IL1R1: variants seen among roughly 807,000 people sequenced by gnomAD.
IL1R1 encodes interleukin 1 receptor type 1, also known as interleukin-1 receptor type 1.
A neutral mutation model predicts 50.2 loss-of-function variants in IL1R1; 22 were observed. That is an observed-to-expected ratio of 0.44 (90% CI 0.31 to 0.63). The LOEUF (loss-of-function observed/expected upper bound fraction) is 0.63. IL1R1 is among the 20% of genes least tolerant of loss of function. IL1R1 has a pLI of 0.07. For missense variants in IL1R1, 509 were observed against 676.2 expected (o/e 0.75, Z 2.74); for synonymous variants, 251 against 236.7 (o/e 1.06, Z -0.55).
intron 3 of IL1R1, among the ~76,000 whole-genome samples, chr2:102,161,257 A>G (rs1218865987): frequency 6.6e-6 from 1 of 152,112 alleles, no homozygotes; most frequent in Non-Finnish European, 1.5e-5. Context: ...TCTTTCTATT[A>G]TTGATTTCTA....
At chr2:102,126,710 C>T (rs926367769) in intron 1 of IL1R1, among the ~76,000 whole-genome samples, 5 of 151,994 alleles carry the variant, frequency 3.3e-5, no homozygotes, top group Non-Finnish European at 5.9e-5. Flanking sequence ...AAAATACTCC[C>T]GCTTGTATTT....
intron 1 of IL1R1, among the ~76,000 whole-genome samples, chr2:102,148,822 T>C (rs2104475761): frequency 6.6e-6 from 1 of 152,326 alleles, no homozygotes; most frequent in South Asian, 2.1e-4. Context: ...TTAACAATGA[T>C]GGGGACTTTT....
At chr2:102,153,013 A>G (rs1390199644) in intron 1 of IL1R1, among the ~76,000 whole-genome samples, 2 of 152,198 alleles carry the variant, frequency 1.3e-5, no homozygotes, top group Non-Finnish European at 2.9e-5. Flanking sequence ...ACTCCAAAAT[A>G]CTAAAAGAAA....
chr2:102,134,051 A>G (rs1682197846), intron 1 of IL1R1, among the ~76,000 whole-genome samples: 1 of 152,278 alleles, frequency 6.6e-6, no homozygotes, highest in Non-Finnish European at 1.5e-5. Context: ...TTTGGAGGTT[A>G]TAAGATCAAT....
rs745760503 is a variant in IL1R1, at chr2:102,174,704, C to A, written c.1109C>A (p.Ser370Tyr). The A allele has an allele frequency of 6.2e-7, 1 of 1,607,718 alleles. No individual in the cohort carries two copies. Among genetic ancestry groups the A allele is most frequent in the East Asian group, 2.2e-5 (1 of 44,650 alleles). ...GACATTGTGCTTTGGTACAGGGATT[C>A]CTGCTATGATTTTCTCCCAATAAAA... ...KIDIVLWYRD[S>Y]CYDFLPIKAS... Residue 370 changes from serine (S) to tyrosine (Y), a missense_variant, in exon 10 of 12, where the codon TCC becomes TAC. Transcript: ENST00000410023.
rs529942292 is a variant in IL1R1 at position 102,125,538 on chromosome 2, A to T, written c.-84+20666A>T. 6.6e-5 allele frequency among the ~76,000 whole-genome samples: 10 copies of T among 152,306 alleles called. No homozygotes were observed. In the South Asian group the frequency reaches 1.9e-3, roughly 28 times the overall value. ...AAGTCACATGTAGCAGTCAGGATAG[A>T]TAGGCAAGATACAAGGAAGAAGTGG... On this transcript the variant is annotated intron_variant, in intron 1 of 10. Transcript: ENST00000409329.
chr2:102,137,844 T>C (rs1443805263), upstream of IL1R1, among the ~76,000 whole-genome samples: 1 of 152,104 alleles, frequency 6.6e-6, no homozygotes, highest in African/African-American at 2.4e-5. Flanking sequence ...GAAAATACAT[T>C]GACAGTTATA....
chr2:102,079,792 C>A (rs1577794399), intron 1 of IL1R1, among the ~76,000 whole-genome samples: 1 of 152,070 alleles, frequency 6.6e-6, no homozygotes. Context: ...CCAAAACAAT[C>A]TTGAAAAATA....
At chr2:102,115,852 G>C (rs1275577932) in intron 1 of IL1R1, among the ~76,000 whole-genome samples, 2 of 152,168 alleles carry the variant, frequency 1.3e-5, no homozygotes, top group African/African-American at 4.8e-5. Flanking sequence ...AGGGCGAGGA[G>C]AGGAACACAT....
chr2:102,140,533 G>A (rs140580520), upstream of IL1R1, among the ~76,000 whole-genome samples: 99 of 152,362 alleles, frequency 6.5e-4, 1 homozygote, highest in Middle Eastern at 3.4e-3. Flanking sequence ...TGTCCAAGAT[G>A]TGGGCCATTG....
intron 3 of IL1R1, among the ~76,000 whole-genome samples, chr2:102,162,575 T>C (rs1257685166): frequency 6.6e-6 from 1 of 152,134 alleles, no homozygotes; most frequent in Non-Finnish European, 1.5e-5. Context: ...GTTGTGTATG[T>C]GTTTTTTTAA....
intron 1 of IL1R1, among the ~76,000 whole-genome samples, chr2:102,097,696 A>C (rs529841757): frequency 1.3e-5 from 2 of 152,072 alleles, no homozygotes; most frequent in African/African-American, 4.8e-5. Context: ...AAGAAAAAAT[A>C]AAAAAATCTG....
At position 102,175,634 on chromosome 2, in the gene IL1R1, A is replaced by T. The variant is rs772782596; in HGVS notation, c.1292A>T (p.Tyr431Phe). Residue 431 changes from tyrosine (Y) to phenylalanine (F), a missense_variant, in exon 11 of 12, where the codon TAC (tyrosine) becomes TTC (phenylalanine). By Grantham distance (22) the Tyr-to-Phe change is conservative (BLOSUM62 3). Coordinates refer to ENST00000410023, the MANE Select transcript of IL1R1 (RefSeq NM_000877.4). ...YKLFIYGRDD[Y>F]VGEDIVEVIN... ...CTGTTCATTTATGGAAGGGATGACT[A>T]CGTTGGGGAAGGTATGTGTGTAATG... 3.1e-6 allele frequency: 5 copies of T among 1,613,890 alleles called. No homozygotes were observed. In the Admixed American group the frequency reaches 8.3e-5, roughly 27 times the overall value.
intron 1 of IL1R1, among the ~76,000 whole-genome samples, chr2:102,132,018 C>T (rs1466180746): frequency 6.6e-6 from 1 of 151,778 alleles, no homozygotes; most frequent in Non-Finnish European, 1.5e-5. Context: ...ACAATGCAAG[C>T]TAGAAGAGTT....
chr2:102,140,929 T>C (rs1215767669), upstream of IL1R1, among the ~76,000 whole-genome samples: 2 of 152,202 alleles, frequency 1.3e-5, no homozygotes. Context: ...AGCAGGACAC[T>C]GGGTAGGAGT....
intron 1 of IL1R1, among the ~76,000 whole-genome samples, chr2:102,086,912 A>G (rs1462762714): frequency 6.6e-6 from 1 of 152,182 alleles, no homozygotes; most frequent in African/African-American, 2.4e-5. Flanking sequence ...AAGATGTAGA[A>G]TTCCAGTTTT....
intron 3 of IL1R1, among the ~76,000 whole-genome samples, chr2:102,161,542 C>T (rs1336189186): frequency 6.6e-6 from 1 of 152,130 alleles, no homozygotes; most frequent in Non-Finnish European, 1.5e-5. Context: ...AGTGGGGTTT[C>T]TCTAGTTTCT....
intron 1 of IL1R1, among the ~76,000 whole-genome samples, chr2:102,122,843 G>T (rs1030366057): frequency 2.0e-5 from 3 of 152,118 alleles, no homozygotes; most frequent in Non-Finnish European, 2.9e-5. Flanking sequence ...ACTTTGTTTT[G>T]ACTCCATCTA....
intron 1 of IL1R1, among the ~76,000 whole-genome samples, chr2:102,124,264 A>G (rs370668182): frequency 1.1e-4 from 16 of 152,060 alleles, no homozygotes; most frequent in East Asian, 7.7e-4. Context: ...TCTACTAAAA[A>G]TAGAAAAATT....
Sources: allele counts gnomAD v4.1 joint callset (sites outside exome capture counted in the v4.1 genomes callset), GRCh38; gene constraint gnomAD v4.1.1; transcripts MANE v1.5; gene names NCBI Gene and HGNC (gene_info 2026-07-23, HGNC 2026-07-21).